Variants in SF3B6 observed in about 807,000 individuals in gnomAD.
SF3B6 encodes the protein splicing factor 3b subunit 6, also known as SF3b 14 kDa subunit.
In SF3B6, 3 loss-of-function variants were observed where a neutral mutation model predicts 15.9. That is an observed-to-expected ratio of 0.19 (90% CI 0.09 to 0.49). The LOEUF (loss-of-function observed/expected upper bound fraction) is 0.49. Ranked by LOEUF, SF3B6 falls within the 20% of genes least tolerant of loss-of-function variation. The pLI is 0.97. For missense variants in SF3B6, 71 were observed against 154.3 expected (o/e 0.46, Z 2.86); for synonymous variants, 49 against 51.1 (o/e 0.96, Z 0.18).
At chr2:24,069,225 A>T (rs534605274) in intron 2 of SF3B6, among the ~76,000 whole-genome samples, 1 of 152,378 alleles carries the variant, frequency 6.6e-6, no homozygotes, top group South Asian at 2.1e-4. Context: ...GGCTTCTGCA[A>T]AGATGGGAGT....
Position 24,076,183 on chromosome 2 carries a change from G to A in SF3B6, c.30+17C>T, listed in dbSNP as rs944294367. ...ACCCGAAGTTCTCCCACCCTCCGCA[G>A]AACACCCGATACTCACGTTCGCCCT... On this transcript the variant is annotated intron_variant, in intron 1 of 3. Coordinates refer to ENST00000233468, the MANE Select transcript of SF3B6 (RefSeq NM_016047.4). 3.1e-6 allele frequency: 5 copies of A among 1,614,074 alleles called. No homozygotes were observed. The highest frequency in any genetic ancestry group is 2.7e-5 in the African/African-American group (2 of 74,914).
At chr2:24,076,162 G>A (rs964700640) in intron 1 of SF3B6, 38 bp downstream of exon 1, 2 of 1,613,962 alleles carry the variant, frequency 1.2e-6, no homozygotes, top group Non-Finnish European at 1.7e-6. Context: ...AGTCAAACCC[G>A]AAGTTCTCCC....
At chr2:24,073,918 CA>C (rs951246878) in intron 2 of SF3B6, 157 bp downstream of exon 2, 10 of 569,028 alleles carry the variant, frequency 1.8e-5, no homozygotes, top group Non-Finnish European at 2.8e-5. Context: ...CTCCCCCCTT[CA>C]AAAAGATCTC....
rs1436918054 is a variant in SF3B6 at position 24,073,955 on chromosome 2, C to G, written c.149+121G>C. On this transcript the variant is annotated intron_variant, in intron 2 of 3. Coordinates refer to ENST00000233468, the MANE Select transcript of SF3B6 (RefSeq NM_016047.4). ...ATCTCTCTGATCTCAATCTGCTAGT[C>G]TCAAGGCTCTTGGTAAGGGTTGTCG... 4.3e-6 allele frequency: 3 copies of G among 692,272 alleles called. No individual in the cohort carries two copies. In the African/African-American group the frequency reaches 5.5e-5, roughly 13 times the overall value. 42.9% of individuals were successfully genotyped at this position (692,272 alleles called of 1,614,324 possible). A position where few individuals can be genotyped will look rare whatever the true frequency, so the allele number is the denominator to read the frequency against.
chr2:24,071,324 G>A (rs1012678937), intron 2 of SF3B6, among the ~76,000 whole-genome samples: 1 of 152,212 alleles, frequency 6.6e-6, no homozygotes. Flanking sequence ...AAATGTTTCG[G>A]CTTGGCACGG....
At chr2:24,070,187 G>A (rs1298417481) in intron 2 of SF3B6, among the ~76,000 whole-genome samples, 1 of 152,174 alleles carries the variant, frequency 6.6e-6, no homozygotes, top group Admixed American at 6.5e-5. Context: ...ATTATAATTT[G>A]AACTTTTAAA....
At chr2:24,073,872 T>A in intron 2 of SF3B6, 1 of 457,268 alleles carries the variant, frequency 2.2e-6, no homozygotes, top group East Asian at 3.9e-5. Flanking sequence ...TTCTTGGCTC[T>A]CATTGAGCTG....
intron 2 of SF3B6, among the ~76,000 whole-genome samples, chr2:24,072,689 C>G (rs1435700630): frequency 6.6e-6 from 1 of 152,168 alleles, no homozygotes; most frequent in South Asian, 2.1e-4. Flanking sequence ...GAACCCAGGC[C>G]TTACAACCAA....
At chr2:24,074,249 A>G (rs750488046) in intron 1 of SF3B6, 55 bp from the exon 2 acceptor site, 5 of 878,410 alleles carry the variant, frequency 5.7e-6, no homozygotes, top group African/African-American at 3.4e-5. Flanking sequence ...AAAAAATTAT[A>G]ATTTAAATGC....
intron 2 of SF3B6, among the ~76,000 whole-genome samples, chr2:24,069,090 G>C (rs991466320): frequency 1.3e-5 from 2 of 152,074 alleles, no homozygotes; most frequent in African/African-American, 4.8e-5. Flanking sequence ...CAAGTGATCC[G>C]CCTGCCTCAG....
At chr2:24,072,004 A>G (rs1034179959) in intron 2 of SF3B6, among the ~76,000 whole-genome samples, 1 of 152,136 alleles carries the variant, frequency 6.6e-6, no homozygotes, top group Non-Finnish European at 1.5e-5. Flanking sequence ...TTTTGTTGAA[A>G]CAGGATCTCA....
At chr2:24,076,098 T>C in intron 1 of SF3B6, 102 bp downstream of exon 1, 1 of 1,457,792 alleles carries the variant, frequency 6.9e-7, no homozygotes, top group Non-Finnish European at 9.6e-7. Context: ...TCTGGAGTTC[T>C]CCGCTCTGGG....
chr2:24,076,242 A>G lies in SF3B6; in HGVS notation c.-13T>C, dbSNP rs1481884274. ...CTTGCATCGCCATCTTGGCGGGCTG[A>G]TGAAGTTACCGTAGCAGATACTGAA... On this transcript the variant is annotated 5_prime_UTR_variant, in exon 1 of 4. Coordinates refer to ENST00000233468, the MANE Select transcript of SF3B6 (RefSeq NM_016047.4). The G allele has an allele frequency of 6.2e-7, 1 of 1,614,170 alleles. No homozygotes were observed. Among genetic ancestry groups the G allele is most frequent in the East Asian group, 2.2e-5 (1 of 44,878 alleles).
At chr2:24,073,948 T>G (rs1664693522) in intron 2 of SF3B6, 128 bp downstream of exon 2, 1 of 671,776 alleles carries the variant, frequency 1.5e-6, no homozygotes, top group Admixed American at 2.8e-5. Context: ...GATCTCAATC[T>G]GCTAGTCTCA....
chr2:24,074,981 T>C (rs1431227024), intron 1 of SF3B6, among the ~76,000 whole-genome samples: 1 of 152,024 alleles, frequency 6.6e-6, no homozygotes. Context: ...ATACAAAAAT[T>C]AGCCGGGCAT....
At position 24,068,349 on chromosome 2, in the gene SF3B6, A is replaced by G; in HGVS notation, c.260T>C (p.Leu87Pro). 6.2e-7 allele frequency: 1 copy of G among 1,613,932 alleles called. No homozygotes were observed. Among genetic ancestry groups the G allele is most frequent in the Non-Finnish European group, 8.5e-7 (1 of 1,179,910 alleles). ...LSGFNVCNRY[L>P]VVLYYNANRA... is the part of the protein sequence containing the mutation. The stretch of plus-strand genomic sequence containing the variant: ...GTTGGCATTATAGTACAAAACCACA[A>G]GGTATCTGTTACAAACATTGAATCC... Residue 87 changes from leucine to proline, a missense_variant, in exon 3 of 4, where the codon CTT (leucine) becomes CCT (proline). Transcript: ENST00000233468.
intron 1 of SF3B6, among the ~76,000 whole-genome samples, chr2:24,075,359 GTTT>G (rs776683939): frequency 1.2e-4 from 9 of 72,718 alleles, no homozygotes; most frequent in Admixed American, 2.6e-4. Context: ...CTTTCTTTCT[GTTT>G]TTTTTTTTTT....
chr2:24,076,089 C>G, intron 1 of SF3B6, 111 bp downstream of exon 1: 1 of 1,367,574 alleles, frequency 7.3e-7, no homozygotes. Context: ...GATAGGAATT[C>G]TGGAGTTCTC....
intron 2 of SF3B6, 92 bp downstream of exon 2, chr2:24,073,984 T>C (rs1354965722): frequency 1.2e-6 from 1 of 802,508 alleles, no homozygotes; most frequent in Non-Finnish European, 2.1e-6. Context: ...GTTGTCGCAC[T>C]GCACACAGCA....
Sources: allele counts gnomAD v4.1 joint callset (sites outside exome capture counted in the v4.1 genomes callset), GRCh38; gene constraint gnomAD v4.1.1; transcripts MANE v1.5; gene names NCBI Gene and HGNC (gene_info 2026-07-23, HGNC 2026-07-21).